The following DMD variants were observed in gnomAD, a reference collection of about 807,000 sequenced individuals.
The protein encoded by DMD is dystrophin.
DMD carries 63 observed loss-of-function variants against 330.1 expected under a neutral mutation model. The observed-to-expected ratio is 0.19, with a 90% CI of 0.16 to 0.24. The LOEUF is 0.24. Ranked by LOEUF, DMD falls within the 10% of genes least tolerant of loss-of-function variation. The probability of loss-of-function intolerance (pLI) is 1.00; values close to 1 mark genes in which losing one functional copy is unlikely to be tolerated. For missense variants in DMD, 3,344 were observed against 2,684.1 expected (o/e 1.25, Z -5.43); for synonymous variants, 1,223 against 959.8 (o/e 1.27, Z -5.07).
At chrX:31,611,245 TAA>T (rs1298652329) in intron 55 of DMD, among the ~76,000 whole-genome samples, 3 of 110,283 alleles carry the variant, frequency 2.7e-5, no homozygotes, top group African/African-American at 9.9e-5. Context: ...GCATTTTTAA[TAA>T]AGTTTCCAAG....
In DMD at chrX:32,386,336, A is replaced by C; in HGVS notation, c.4648T>G (p.Leu1550Val). 2.5e-6 allele frequency: 3 copies of C among 1,209,059 alleles called. No individual in the cohort carries two copies. The highest frequency in any genetic ancestry group is 3.4e-6 in the Non-Finnish European group (3 of 893,808). Residue 1550 changes from leucine to valine, a missense_variant, in exon 33 of 79, where the codon TTG (leucine) becomes GTG (valine). Coordinates refer to ENST00000357033, the MANE Select transcript of DMD (RefSeq NM_004006.3). ...TTTGCTCCCAGCTCATTATAATGCA[A>C]TTTCAAAGCTGTTACTCTTTCATCA... ...ELDERVTALK[L>V]HYNELGAKVT...
chrX:32,322,418 C>A (rs2097622312), intron 41 of DMD, among the ~76,000 whole-genome samples: 1 of 110,224 alleles, frequency 9.1e-6, no homozygotes, highest in Admixed American at 9.8e-5. Context: ...TAAAAATTAG[C>A]CAGTCATGGT....
At chrX:32,017,848 G>A (rs2095776479) in intron 44 of DMD, among the ~76,000 whole-genome samples, 1 of 111,805 alleles carries the variant, frequency 8.9e-6, no homozygotes, top group Non-Finnish European at 1.9e-5. Flanking sequence ...TGTTTGAGTG[G>A]ATGGCTTTGC....
intron 25 of DMD, among the ~76,000 whole-genome samples, chrX:32,462,297 C>A (rs1274387512): frequency 3.6e-5 from 4 of 111,558 alleles, no homozygotes; most frequent in African/African-American, 1.3e-4. Flanking sequence ...TATCTCTCTT[C>A]TTCTCCCTCT....
At chrX:32,768,164 A>G (rs950497851) in intron 7 of DMD, among the ~76,000 whole-genome samples, 2 of 112,052 alleles carry the variant, frequency 1.8e-5, no homozygotes, top group East Asian at 2.8e-4. Context: ...AAAGAAAAAT[A>G]TGTTAAAAAA....
intron 55 of DMD, among the ~76,000 whole-genome samples, chrX:31,564,182 C>T (rs965575125): frequency 7.2e-5 from 8 of 111,623 alleles, no homozygotes; most frequent in African/African-American, 2.6e-4. Flanking sequence ...ACCTTGATCT[C>T]AGACTTCTAT....
intron 1 of DMD, among the ~76,000 whole-genome samples, chrX:33,310,307 T>C (rs2053830471): frequency 9.0e-6 from 1 of 111,282 alleles, no homozygotes; most frequent in African/African-American, 3.3e-5. Context: ...AGTACAAAGG[T>C]TTAATTGCTT....
At chrX:32,750,570 G>A (rs2070680114) in intron 7 of DMD, among the ~76,000 whole-genome samples, 1 of 110,764 alleles carries the variant, frequency 9.0e-6, no homozygotes, top group African/African-American at 3.3e-5. Context: ...GACAGTGACA[G>A]GAAGCAGAGC....
intron 3 of DMD, 116 bp from the exon 4 acceptor site, chrX:32,844,976 G>T: frequency 1.6e-6 from 1 of 612,479 alleles, no homozygotes; most frequent in Non-Finnish European, 2.7e-6. Flanking sequence ...AACAGAGCCT[G>T]TGAGGCATTA....
chrX:32,568,211 G>T (rs1468925222), intron 15 of DMD, among the ~76,000 whole-genome samples: 3 of 111,918 alleles, frequency 2.7e-5, no homozygotes, highest in African/African-American at 9.7e-5. Context: ...GAAAGTGAAA[G>T]TCACCATTAA....
intron 2 of DMD, among the ~76,000 whole-genome samples, chrX:32,981,604 T>A (rs1320235253): frequency 8.9e-6 from 1 of 111,810 alleles, no homozygotes; most frequent in Non-Finnish European, 1.9e-5. Flanking sequence ...ATCATTTATA[T>A]GATATTTTTG....
At chrX:32,862,243 C>A (rs946367818) in intron 2 of DMD, among the ~76,000 whole-genome samples, 1 of 111,737 alleles carries the variant, frequency 8.9e-6, no homozygotes, top group Non-Finnish European at 1.9e-5. Flanking sequence ...TTTTTATAAT[C>A]TCTCCAGATA....
chrX:33,166,009 T>C (rs1569557096), intron 1 of DMD, among the ~76,000 whole-genome samples: 1 of 111,370 alleles, frequency 9.0e-6, no homozygotes, highest in East Asian at 2.8e-4. Context: ...GATGTTGTTT[T>C]GGCAACAGAA....
intron 48 of DMD, among the ~76,000 whole-genome samples, chrX:31,847,837 A>G (rs2093454032): frequency 8.9e-6 from 1 of 112,092 alleles, no homozygotes; most frequent in Non-Finnish European, 1.9e-5. Context: ...TAAAACATTT[A>G]TTATATGTCA....
chrX:32,390,835 C>T (rs2097997015), intron 30 of DMD, among the ~76,000 whole-genome samples: 1 of 111,333 alleles, frequency 9.0e-6, no homozygotes, highest in Admixed American at 9.6e-5. Context: ...GTAGTCTACT[C>T]AGTCATTATG....
chrX:33,107,710 A>C (rs67418021), intron 1 of DMD, among the ~76,000 whole-genome samples: 3,044 of 111,676 alleles, frequency 0.027, 113 homozygotes, highest in African/African-American at 0.094. Flanking sequence ...AGGAGTCATT[A>C]ACTTTAGTGG....
chrX:32,348,553 T>C (rs1291963327), intron 37 of DMD, 25 bp from the exon 38 acceptor site: 2 of 1,164,774 alleles, frequency 1.7e-6, no homozygotes, highest in Non-Finnish European at 2.3e-6. Flanking sequence ...AGTGCTACTT[T>C]AAATCAAAAT....
chrX:31,765,646 T>C (rs2089946066), intron 51 of DMD, among the ~76,000 whole-genome samples: 1 of 112,050 alleles, frequency 8.9e-6, no homozygotes, highest in Non-Finnish European at 1.9e-5. Flanking sequence ...TATACGTTAA[T>C]TTTATATAAT....
chrX:33,252,848 C>A (rs1421715007), intron 1 of DMD, among the ~76,000 whole-genome samples: 1 of 111,572 alleles, frequency 9.0e-6, no homozygotes, highest in Non-Finnish European at 1.9e-5. Context: ...AAGGGAAAAA[C>A]CCAGAATCAG....
Sources: allele counts gnomAD v4.1 joint callset (sites outside exome capture counted in the v4.1 genomes callset), GRCh38; gene constraint gnomAD v4.1.1; transcripts MANE v1.5; gene names NCBI Gene and HGNC (gene_info 2026-07-23, HGNC 2026-07-21).